PHF21B: variants seen among roughly 807,000 people sequenced by gnomAD.
The protein encoded by PHF21B is PHD finger protein 4.
In PHF21B, 22 loss-of-function variants were observed where a neutral mutation model predicts 62.2. That is an observed-to-expected ratio of 0.35 (90% CI 0.25 to 0.51). The LOEUF (loss-of-function observed/expected upper bound fraction) is 0.51. PHF21B is among the 20% of genes least tolerant of loss of function. The pLI is 0.97. For synonymous variants in PHF21B, 341 were observed against 314.7 expected, an observed-to-expected ratio of 1.08 and a Z score of -0.88; for missense variants, 701 against 707.9, an observed-to-expected ratio of 0.99 and a Z score of 0.11.
intron 3 of PHF21B, among the ~76,000 whole-genome samples, chr22:44,919,356 G>A (rs1254550051): frequency 6.6e-6 from 1 of 152,176 alleles, no homozygotes; most frequent in Non-Finnish European, 1.5e-5. Context: ...AAAACAGTAC[G>A]AGAGTTTTTT....
At position 44,916,630 on chromosome 22, in the gene PHF21B, C is replaced by A; in HGVS notation, c.214G>T (p.Val72Phe). 1 of 1,600,610 alleles carries A rather than the reference C, an allele frequency of 6.2e-7. No individual in the cohort carries two copies. The highest frequency in any genetic ancestry group is 8.5e-7 in the Non-Finnish European group (1 of 1,179,818). Residue 72 changes from valine to phenylalanine, a missense_variant and splice_region_variant, in exon 4 of 13, where the codon GTT (valine) becomes TTT (phenylalanine). Val to Phe is a conservative substitution (Grantham distance 50). Coordinates refer to ENST00000313237, the MANE Select transcript of PHF21B (RefSeq NM_138415.5). ...TCTGGAATCAGAGTCTTTGGCCTAA[C>A]CTGGGAAGAAGGGACAGGTATGTGG... ...AGQGAAVLPQ[V>F]RPKTLIPDSL...
At chr22:44,885,813 G>T in intron 11 of PHF21B, 50 bp downstream of exon 11, 1 of 1,570,868 alleles carries the variant, frequency 6.4e-7, no homozygotes, top group Non-Finnish European at 8.7e-7. Context: ...GGCCTGGGTG[G>T]GGGAGGAGGG....
intron 2 of PHF21B, among the ~76,000 whole-genome samples, chr22:44,929,381 C>T (rs2071696295): frequency 6.6e-6 from 1 of 152,258 alleles, no homozygotes; most frequent in Admixed American, 6.5e-5. Flanking sequence ...ATCCCGCCTT[C>T]ATGAGCCCCA....
chr22:44,895,916 C>T (rs1338023048), intron 6 of PHF21B, 116 bp downstream of exon 6: 1 of 1,115,144 alleles, frequency 9.0e-7, no homozygotes, highest in Non-Finnish European at 1.4e-6. Flanking sequence ...AGGCCACGCT[C>T]CACCCATATC....
chr22:44,901,797 C>T (rs2071164560), intron 5 of PHF21B: 4 of 296,266 alleles, frequency 1.4e-5, no homozygotes, highest in Admixed American at 3.8e-5. Context: ...AGGAAGTACT[C>T]AGCTGCTAAA....
intron 2 of PHF21B, among the ~76,000 whole-genome samples, chr22:44,949,327 A>G (rs1413489714): frequency 3.3e-5 from 5 of 150,440 alleles, no homozygotes; most frequent in African/African-American, 1.2e-4. Flanking sequence ...AAAAAAAAAG[A>G]AAAAAGAGAG....
intron 8 of PHF21B, 43 bp downstream of exon 8, chr22:44,891,263 G>GCA: frequency 3.7e-6 from 6 of 1,607,654 alleles, no homozygotes; most frequent in Non-Finnish European, 4.2e-6. Context: ...GACTCCCCGC[G>GCA]GCCCTGAGCA....
At chr22:44,906,100 A>G (rs901472940) in intron 5 of PHF21B, among the ~76,000 whole-genome samples, 2 of 152,088 alleles carry the variant, frequency 1.3e-5, no homozygotes, top group Admixed American at 6.6e-5. Flanking sequence ...CCCTTGCTCA[A>G]TTCCGAACCA....
intron 2 of PHF21B, among the ~76,000 whole-genome samples, chr22:44,963,907 CATT>C (rs1237362924): frequency 6.6e-6 from 1 of 152,250 alleles, no homozygotes; most frequent in Non-Finnish European, 1.5e-5. Context: ...TGACTCAAAT[CATT>C]GACTTCCCGG....
chr22:44,891,831 G>A (rs896669679), intron 7 of PHF21B, among the ~76,000 whole-genome samples: 1 of 152,250 alleles, frequency 6.6e-6, no homozygotes, highest in Non-Finnish European at 1.5e-5. Context: ...CATTCCAGAA[G>A]AGCGGCCTTA....
intron 3 of PHF21B, among the ~76,000 whole-genome samples, chr22:44,917,098 C>T (rs1442662325): frequency 6.6e-6 from 1 of 152,224 alleles, no homozygotes; most frequent in Non-Finnish European, 1.5e-5. Context: ...GTGGGGGCTG[C>T]TGCTGCGCTC....
At chr22:44,966,071 C>A (rs146329739) in intron 2 of PHF21B, among the ~76,000 whole-genome samples, 2 of 152,190 alleles carry the variant, frequency 1.3e-5, no homozygotes, top group Non-Finnish European at 2.9e-5. Flanking sequence ...GCCTGGAAAG[C>A]CCCTTCCACA....
intron 5 of PHF21B, among the ~76,000 whole-genome samples, chr22:44,912,998 G>A (rs933233): frequency 0.35 from 53,467 of 151,920 alleles, 10,693 homozygotes; most frequent in Non-Finnish European, 0.44. Flanking sequence ...CTAGGATGCC[G>A]AGGACCAAGC....
chr22:45,009,500 T>C lies in PHF21B; in HGVS notation c.50A>G (p.His17Arg). The C allele has an allele frequency of 1.3e-6, 2 of 1,552,174 alleles. No homozygotes were observed. Among genetic ancestry groups the C allele is most frequent in the Non-Finnish European group, 1.7e-6 (2 of 1,157,566 alleles). ...PEALAVELAR[H>R]QNGDLKKQLH... ...GCCCGGCCCCCGGCCACCTACCTGG[T>C]GGCGCGCGAGTTCCACGGCGAGCGC... is the stretch of plus-strand genomic sequence containing the variant. The change falls in exon 1 of 13, where the codon CAC becomes CGC. Residue 17 changes from histidine to arginine, a missense_variant. His to Arg is a conservative substitution (Grantham distance 29). Transcript: ENST00000313237. The surrounding 1 kb of genome is among the most constrained non-coding windows in gnomAD (Gnocchi z 5.9).
chr22:44,933,186 G>A (rs1463690388), intron 2 of PHF21B, among the ~76,000 whole-genome samples: 2 of 149,930 alleles, frequency 1.3e-5, no homozygotes, highest in South Asian at 4.2e-4. Context: ...ATCTCGGCTT[G>A]CTGCAACTTC....
chr22:44,949,731 T>G (rs1176890732), intron 2 of PHF21B, among the ~76,000 whole-genome samples: 1 of 152,240 alleles, frequency 6.6e-6, no homozygotes, highest in African/African-American at 2.4e-5. Context: ...AAGACGTGTG[T>G]GTACCGCGTC....
intron 3 of PHF21B, among the ~76,000 whole-genome samples, chr22:44,917,884 T>G (rs562797760): frequency 6.6e-6 from 1 of 152,228 alleles, no homozygotes. Context: ...CACCAGTGCC[T>G]GGCACAGAGC....
rs1035423293 is a variant in PHF21B, at chr22:44,890,493, A to C, written c.1016-711T>G. 4.6e-5 allele frequency among the ~76,000 whole-genome samples: 7 copies of C among 152,160 alleles called. No homozygotes were observed. The East Asian group carries it at 1.2e-3, about 25-fold the overall frequency. ...TGCAGTCACACTCGCCCTTCAAGTC[A>C]CTGTCCCAGCTCTGAGAAGCAGGTA... On this transcript the variant is annotated intron_variant, in intron 8 of 12. Transcript: ENST00000313237.
intron 2 of PHF21B, among the ~76,000 whole-genome samples, chr22:44,955,629 A>G (rs1042412660): frequency 2.0e-5 from 3 of 152,172 alleles, no homozygotes; most frequent in South Asian, 4.2e-4. Context: ...CTCAGGCCTC[A>G]GAGCTCCTGG....
Sources: allele counts gnomAD v4.1 joint callset (sites outside exome capture counted in the v4.1 genomes callset), GRCh38; gene constraint gnomAD v4.1.1; non-coding constraint Gnocchi (gnomAD v3.1); transcripts MANE v1.5; gene names NCBI Gene and HGNC (gene_info 2026-07-23, HGNC 2026-07-21).